The following AOPEP variants were observed in gnomAD, a reference collection of about 807,000 sequenced individuals.
AOPEP encodes aminopeptidase O (putative).
Under a neutral mutation model 98.1 loss-of-function variants are expected in AOPEP, and 77 were observed. That is an observed-to-expected ratio of 0.78 (90% CI 0.65 to 0.95). AOPEP has a LOEUF of 0.95. Ranked by LOEUF, AOPEP falls within the 40% of genes least tolerant of loss-of-function variation. AOPEP has a pLI of 0.00. For synonymous variants in AOPEP, 346 were observed against 365.3 expected (o/e 0.95, Z 0.60); for missense variants, 1,024 against 1,024.7 (o/e 1.00, Z 0.01).
chr9:94,790,167 G>A (rs527540153), intron 3 of AOPEP, among the ~76,000 whole-genome samples: 205 of 150,288 alleles, frequency 1.4e-3, no homozygotes, highest in African/African-American at 4.8e-3. Context: ...GAGCCACCGC[G>A]CCCGGCCAAC....
intron 5 of AOPEP, among the ~76,000 whole-genome samples, chr9:94,869,541 G>A (rs2046087097): frequency 6.6e-6 from 1 of 152,190 alleles, no homozygotes; most frequent in Non-Finnish European, 1.5e-5. Context: ...GGCTGGAAAA[G>A]TTTACTAGTG....
intron 5 of AOPEP, among the ~76,000 whole-genome samples, chr9:94,848,684 T>G (rs1171891112): frequency 2.6e-5 from 4 of 151,834 alleles, no homozygotes; most frequent in Admixed American, 6.6e-5. Context: ...GGAGCTTGAC[T>G]CGGAGATGGT....
intron 14 of AOPEP, among the ~76,000 whole-genome samples, chr9:95,071,663 C>G (rs567433747): frequency 6.6e-6 from 1 of 152,180 alleles, no homozygotes; most frequent in Non-Finnish European, 1.5e-5. Context: ...GCTCTTGGAA[C>G]CAAGTTGGGT....
intron 4 of AOPEP, among the ~76,000 whole-genome samples, chr9:94,796,752 G>A (rs1203564297): frequency 6.6e-6 from 1 of 152,206 alleles, no homozygotes; most frequent in Non-Finnish European, 1.5e-5. Flanking sequence ...CACTCTGGGT[G>A]AGCATTTTAG....
At chr9:95,076,735 T>G (rs1270263559) in intron 14 of AOPEP, among the ~76,000 whole-genome samples, 2 of 152,238 alleles carry the variant, frequency 1.3e-5, no homozygotes, top group Non-Finnish European at 2.9e-5. Context: ...AGGCAGTCTC[T>G]GGGCATAGGG....
intron 5 of AOPEP, among the ~76,000 whole-genome samples, chr9:94,814,471 A>C (rs1174600076): frequency 6.6e-6 from 1 of 152,234 alleles, no homozygotes; most frequent in Non-Finnish European, 1.5e-5. Flanking sequence ...TAGGACTTGA[A>C]TGGCATTCTT....
intron 1 of AOPEP, among the ~76,000 whole-genome samples, chr9:94,744,980 A>G (rs1834131921): frequency 6.6e-6 from 1 of 152,176 alleles, no homozygotes; most frequent in South Asian, 2.1e-4. Context: ...ATAAGGGTAC[A>G]TGAGATATTG....
chr9:94,865,427 A>C, intron 5 of AOPEP, among the ~76,000 whole-genome samples: 1 of 152,180 alleles, frequency 6.6e-6, no homozygotes, highest in East Asian at 1.9e-4. Context: ...CTTCACTTCA[A>C]ACGAACTGAT....
At chr9:94,834,852 A>G (rs1464527239) in intron 5 of AOPEP, among the ~76,000 whole-genome samples, 1 of 124,246 alleles carries the variant, frequency 8.0e-6, no homozygotes, top group East Asian at 2.5e-4. Flanking sequence ...ATACATACAT[A>G]CAAACAATAA....
the AOPEP span, among the ~76,000 whole-genome samples, chr9:95,113,349 A>G: frequency 4.4e-4 from 67 of 152,200 alleles, no homozygotes; most frequent in Admixed American, 5.2e-4. Flanking sequence ...AACAAATAAG[A>G]TAGTCTTAGT....
At chr9:94,939,904 T>A (rs887520686) in intron 7 of AOPEP, among the ~76,000 whole-genome samples, 29 of 152,176 alleles carry the variant, frequency 1.9e-4, no homozygotes, top group African/African-American at 7.0e-4. Context: ...GTTGGTTGAA[T>A]CTGCAGCTGA....
intron 9 of AOPEP, among the ~76,000 whole-genome samples, chr9:94,960,226 A>G (rs1429443124): frequency 1.3e-5 from 2 of 152,116 alleles, no homozygotes; most frequent in East Asian, 3.9e-4. Flanking sequence ...CCTGGCTAAC[A>G]TGGTGAAATC....
the AOPEP span, chr9:95,111,563 TG>T: frequency 6.2e-7 from 1 of 1,614,146 alleles, no homozygotes; most frequent in Non-Finnish European, 8.5e-7. Context: ...CATCAGTAAT[TG>T]CTCTGCCACC....
the AOPEP span, among the ~76,000 whole-genome samples, chr9:95,122,002 C>T: frequency 9.9e-5 from 15 of 151,928 alleles, no homozygotes; most frequent in Admixed American, 2.0e-4. Flanking sequence ...GGACTATAAG[C>T]GCCCACCACC....
intron 11 of AOPEP, among the ~76,000 whole-genome samples, chr9:95,001,945 T>C (rs2061586252): frequency 1.1e-5 from 1 of 92,344 alleles, no homozygotes; most frequent in Admixed American, 9.8e-5. Flanking sequence ...GCCTGGCTGA[T>C]TTTTTTTTTT....
Position 94,968,096 on chromosome 9 carries a change from A to G in AOPEP, c.1916+295A>G, listed in dbSNP as rs141941235. ...GCCTTTGCTGCTGCGGAAAGAATGG[A>G]AGAGAGGAAGGTTAGAAAACTCAGG... On this transcript the variant is annotated intron_variant, in intron 10 of 16. Transcript: ENST00000375315. Among the ~76,000 whole-genome samples the G allele has an allele frequency of 4.6e-3, 698 of 152,294 alleles. 2 individuals are homozygous for G. The highest frequency in any genetic ancestry group is 7.1e-3 in the Non-Finnish European group (482 of 68,024).
chr9:95,006,321 T>G (rs2062016019), intron 13 of AOPEP: 8 of 319,726 alleles, frequency 2.5e-5, no homozygotes, highest in South Asian at 2.2e-4. Context: ...TTTGCTTAAT[T>G]ACATTTCACT....
rs533241829 is a variant in AOPEP at position 94,796,043 on chromosome 9, A to G, written c.1118+3125A>G. On this transcript the variant is annotated intron_variant, in intron 4 of 16. Transcript: ENST00000375315. ...ACTGCTGCTGTCCTCTATAACACAG[A>G]TGTAGAGTCCACCTGACACATGGCA... is the stretch of plus-strand genomic sequence containing the variant. 8.5e-5 allele frequency among the ~76,000 whole-genome samples: 13 copies of G among 152,310 alleles called. No homozygotes were observed. In the East Asian group the frequency reaches 1.4e-3, roughly 16 times the overall value.
chr9:95,098,716 C>T, the AOPEP span, among the ~76,000 whole-genome samples: 4 of 152,312 alleles, frequency 2.6e-5, no homozygotes, highest in African/African-American at 4.8e-5. Flanking sequence ...GCTGGTGGGA[C>T]GAGGCCTTCA....
Sources: gnomAD v4.1 joint callset for allele counts (sites outside exome capture counted in the v4.1 genomes callset) on GRCh38, gnomAD v4.1.1 for gene constraint, MANE v1.5 for transcripts, NCBI Gene and HGNC (gene_info 2026-07-23, HGNC 2026-07-21) for gene names.